CDH13: variants seen among roughly 807,000 people sequenced by gnomAD.
CDH13 encodes cadherin-13.
In CDH13, 24 loss-of-function variants were observed where a neutral mutation model predicts 63.8. The ratio of observed to expected loss-of-function variants is 0.38; its 90% CI spans 0.27 to 0.53. CDH13 has a LOEUF of 0.53. Among genes scored for constraint, CDH13 ranks in the 20% least tolerant of loss-of-function variants. CDH13 has a pLI of 0.85. For missense variants in CDH13, 1,049 were observed against 903.1 expected (o/e 1.16, Z -2.07); for synonymous variants, 503 against 355.3 (o/e 1.42, Z -4.67).
intron 1 of CDH13, among the ~76,000 whole-genome samples, chr16:82,677,833 G>A (rs1010303912): frequency 6.6e-6 from 1 of 152,072 alleles, no homozygotes; most frequent in Non-Finnish European, 1.5e-5. Context: ...AGTGGGTCCT[G>A]GTTAAGCCTG....
intron 6 of CDH13, among the ~76,000 whole-genome samples, chr16:83,390,285 A>G (rs908427369): frequency 7.9e-5 from 12 of 152,090 alleles, no homozygotes; most frequent in Non-Finnish European, 1.5e-4. Flanking sequence ...CTTTCCTAGT[A>G]TGGCCTGTGG....
chr16:83,560,907 C>CCCCG (rs1567764692), intron 7 of CDH13, among the ~76,000 whole-genome samples: 1 of 151,998 alleles, frequency 6.6e-6, no homozygotes, highest in African/African-American at 2.4e-5. Flanking sequence ...TGGCCCCCCC[C>CCCCG]CCGCCCCAGG....
chr16:82,859,303 A>G (rs999237061), intron 2 of CDH13: 5 of 152,346 alleles, frequency 3.3e-5, no homozygotes, highest in African/African-American at 4.8e-5. Context: ...CATGCCTGTA[A>G]TCTCACCACT....
chr16:82,999,176 C>T (rs1330363241), intron 2 of CDH13, among the ~76,000 whole-genome samples: 2 of 152,130 alleles, frequency 1.3e-5, no homozygotes, highest in African/African-American at 4.8e-5. Context: ...CTTGTAACTT[C>T]CATTTAGCCC....
intron 2 of CDH13, among the ~76,000 whole-genome samples, chr16:82,897,969 C>T (rs1013385954): frequency 2.0e-5 from 3 of 152,130 alleles, no homozygotes; most frequent in South Asian, 2.1e-4. Context: ...TCATCTGCAC[C>T]GTCCAATACA....
intron 2 of CDH13, among the ~76,000 whole-genome samples, chr16:83,008,860 A>G (rs1913823197): frequency 6.6e-6 from 1 of 152,196 alleles, no homozygotes; most frequent in Non-Finnish European, 1.5e-5. Context: ...GGTTTCATTG[A>G]CTCACAGTTC....
chr16:83,726,686 A>C (rs1165434325), intron 10 of CDH13, among the ~76,000 whole-genome samples: 1 of 152,096 alleles, frequency 6.6e-6, no homozygotes, highest in Non-Finnish European at 1.5e-5. Flanking sequence ...ATACAAAAAA[A>C]AATTAGCCGA....
At chr16:83,597,594 G>A (rs1907390660) in intron 7 of CDH13, among the ~76,000 whole-genome samples, 1 of 152,070 alleles carries the variant, frequency 6.6e-6, no homozygotes, top group Admixed American at 6.6e-5. Flanking sequence ...TTTTTATGTT[G>A]CTTACAATAA....
intron 7 of CDH13, among the ~76,000 whole-genome samples, chr16:83,580,566 T>C (rs1905495287): frequency 6.7e-6 from 1 of 149,454 alleles, no homozygotes; most frequent in African/African-American, 2.5e-5. Flanking sequence ...ATGATCTGAG[T>C]TTACTGCAGC....
chr16:83,396,797 C>G (rs1250738263), intron 6 of CDH13: 1 of 152,104 alleles, frequency 6.6e-6, no homozygotes, highest in Non-Finnish European at 1.5e-5. Flanking sequence ...AGGGGAGGAG[C>G]AGGAGTAGGG....
chr16:83,265,180 C>G (rs149835408), intron 5 of CDH13, among the ~76,000 whole-genome samples: 2 of 152,228 alleles, frequency 1.3e-5, no homozygotes, highest in Non-Finnish European at 2.9e-5. Context: ...CTCTGTATTT[C>G]TGCTCTAGTT....
chr16:83,726,836 C>T (rs1910461744), intron 10 of CDH13, among the ~76,000 whole-genome samples: 1 of 1,988 alleles, frequency 5.0e-4, no homozygotes, highest in Admixed American at 6.9e-3. Flanking sequence ...AAGACTCTGT[C>T]TCAAAAAAAA....
intron 8 of CDH13, among the ~76,000 whole-genome samples, chr16:83,643,534 A>G (rs369009589): frequency 6.6e-5 from 10 of 152,260 alleles, no homozygotes; most frequent in African/African-American, 1.9e-4. Context: ...AAACACATGC[A>G]GAGAGTTTAA....
intron 1 of CDH13, among the ~76,000 whole-genome samples, chr16:82,674,145 A>T (rs888607245): frequency 2.6e-5 from 4 of 152,118 alleles, no homozygotes; most frequent in African/African-American, 9.7e-5. Flanking sequence ...TTGTAATGAG[A>T]GAGGAATTAG....
intron 7 of CDH13, among the ~76,000 whole-genome samples, chr16:83,529,513 A>G (rs981651905): frequency 2.6e-5 from 4 of 152,208 alleles, no homozygotes; most frequent in African/African-American, 4.8e-5. Context: ...GATAATATCT[A>G]TGATTTACTA....
intron 7 of CDH13, among the ~76,000 whole-genome samples, chr16:83,516,022 A>T (rs4075554): frequency 6.6e-6 from 1 of 152,178 alleles, no homozygotes; most frequent in Admixed American, 6.5e-5. Flanking sequence ...AAGAAAATCA[A>T]TTCAAACATT....
At chr16:83,621,174 C>T (rs530476412) in intron 8 of CDH13, among the ~76,000 whole-genome samples, 8 of 152,186 alleles carry the variant, frequency 5.3e-5, no homozygotes, top group Admixed American at 3.3e-4. Context: ...TAAGCTGCTT[C>T]TGTCCCGTGA....
At chr16:83,094,612 G>A (rs559982785) in intron 3 of CDH13, among the ~76,000 whole-genome samples, 8 of 152,270 alleles carry the variant, frequency 5.3e-5, no homozygotes, top group African/African-American at 1.7e-4. Context: ...TTAGTTTATA[G>A]CTGTCAGCCT....
At chr16:82,745,540 G>T (rs1174294483) in intron 1 of CDH13, among the ~76,000 whole-genome samples, 1 of 152,130 alleles carries the variant, frequency 6.6e-6, no homozygotes, top group Non-Finnish European at 1.5e-5. Context: ...GGAGGTGGAG[G>T]TTGCAGTGAG....
Sources: allele counts gnomAD v4.1 joint callset (sites outside exome capture counted in the v4.1 genomes callset), GRCh38; gene constraint gnomAD v4.1.1; transcripts MANE v1.5; gene names NCBI Gene and HGNC (gene_info 2026-07-23, HGNC 2026-07-21).